Variants in GABRE observed in about 807,000 individuals in gnomAD.
GABRE encodes gamma-aminobutyric acid receptor subunit epsilon.
In GABRE, 20 loss-of-function variants were observed where a neutral mutation model predicts 31.0. The ratio of observed to expected loss-of-function variants is 0.64; its 90% CI spans 0.45 to 0.94. GABRE has a LOEUF of 0.94. Ranked by LOEUF, GABRE falls within the 40% of genes least tolerant of loss-of-function variation. The pLI, the probability that GABRE is intolerant of heterozygous loss-of-function variation, is 0.00. For synonymous variants in GABRE, 155 were observed against 150.6 expected, an observed-to-expected ratio of 1.03 and a Z score of -0.21; for missense variants, 420 against 410.7, an observed-to-expected ratio of 1.02 and a Z score of -0.20.
rs2124143520 is a variant in GABRE, at chrX:151,954,787, G to A, written c.1435C>T (p.Arg479Cys). The A allele has an allele frequency of 4.1e-6, 5 of 1,209,326 alleles. No homozygotes were observed. Among genetic ancestry groups the A allele is most frequent in the South Asian group, 3.5e-5 (2 of 56,789 alleles). The change falls in exon 9 of 9, where the codon CGC becomes TGC. Residue 479 changes from arginine (R) to cysteine (C), a missense_variant. Physicochemically the swap from Arg to Cys is radical, Grantham distance 180 (BLOSUM62 -3). Transcript: ENST00000370328. The part of the protein sequence containing the change: ...QQGRLCIHVY[R>C]LDNYSRVVFP... ...ACAACTCTCGAGTAGTTATCCAGGC[G>A]GTAGACATGGATGCAGAGGCGGCCC... is the stretch of plus-strand genomic sequence containing the variant.
chrX:151,957,329 GGAA>G (rs1490330118), intron 6 of GABRE: 3 of 249,232 alleles, frequency 1.2e-5, no homozygotes, highest in Non-Finnish European at 2.2e-5. Flanking sequence ...AGATTCTTCT[GGAA>G]GAAGGCAAGG....
intron 3 of GABRE, among the ~76,000 whole-genome samples, chrX:151,964,167 T>C (rs780796474): frequency 9.0e-6 from 1 of 111,505 alleles, no homozygotes; most frequent in Non-Finnish European, 1.9e-5. Flanking sequence ...AAGTCTTAAA[T>C]AAATGTTCTT....
intron 1 of GABRE, chrX:151,971,452 G>T (rs1488874834): frequency 5.1e-6 from 1 of 195,413 alleles, no homozygotes; most frequent in East Asian, 1.4e-4. Context: ...TTTGAACACT[G>T]AGTGGACAGT....
At chrX:151,957,278 C>T (rs1934202703) in intron 6 of GABRE, 1 of 234,153 alleles carries the variant, frequency 4.3e-6, no homozygotes, top group Non-Finnish European at 8.0e-6. Flanking sequence ...GCCTTTCGTA[C>T]TCACCTTGGC....
intron 1 of GABRE, chrX:151,972,782 G>T (rs1392116700): frequency 7.4e-6 from 3 of 404,037 alleles, no homozygotes; most frequent in Non-Finnish European, 6.2e-6. Flanking sequence ...TGGGGTTAAA[G>T]AGCTGCTGAC....
intron 1 of GABRE, among the ~76,000 whole-genome samples, chrX:151,970,797 G>C (rs1278137590): frequency 8.9e-6 from 1 of 112,570 alleles, no homozygotes; most frequent in Admixed American, 9.4e-5. Context: ...CAGAGGGCCA[G>C]GGCTGAGAGG....
At position 151,954,760 on chromosome X, in the gene GABRE, A is replaced by G. The variant is rs768196222; in HGVS notation, c.1462T>C (p.Phe488Leu). The G allele has an allele frequency of 4.1e-5, 50 of 1,209,232 alleles. No individual in the cohort carries two copies. The highest frequency in any genetic ancestry group is 5.6e-5 in the Non-Finnish European group (50 of 894,882). ...YRLDNYSRVVFPVTFFFFNVL... is the reference protein window; with the variant it reads ...YRLDNYSRVVLPVTFFFFNVL... Reference sequence around the variant, plus strand: ...TTGAAGAAGAAGAAAGTCACTGGGAAAACAACTCTCGAGTAGTTATCCAGG... The same window carrying G: ...TTGAAGAAGAAGAAAGTCACTGGGAGAACAACTCTCGAGTAGTTATCCAGG... Residue 488 changes from phenylalanine (F) to leucine (L), a missense_variant, in exon 9 of 9, where the codon TTC becomes CTC. Transcript: ENST00000370328.
chrX:151,970,160 G>T (rs1477276332), intron 2 of GABRE, 25 bp downstream of exon 2: 67 of 1,208,273 alleles, frequency 5.5e-5, no homozygotes, highest in Middle Eastern at 2.8e-4. Context: ...CTCTAGGAGG[G>T]GAAGAACGTC....
At chrX:151,966,154 C>T (rs1056282151) in intron 3 of GABRE, among the ~76,000 whole-genome samples, 5 of 112,413 alleles carry the variant, frequency 4.4e-5, no homozygotes, top group East Asian at 5.6e-4. Flanking sequence ...ACATATCAAC[C>T]GATAACTAAC....
Position 151,961,279 on chromosome X carries a change from T to A in GABRE, c.646+4A>T. 1 of 1,190,958 alleles carries A rather than the reference T, an allele frequency of 8.4e-7. No homozygotes were observed. The highest frequency in any genetic ancestry group is 1.1e-6 in the Non-Finnish European group (1 of 878,338). The stretch of plus-strand genomic sequence containing the variant: ...GGGCCCCAGAAACTTAAGAAGGTAC[T>A]CACAGCTAGAGAAAGATAGAGGGCA... On this transcript the variant is annotated splice_donor_region_variant and intron_variant, in intron 5 of 8. Coordinates refer to ENST00000370328, the MANE Select transcript of GABRE (RefSeq NM_004961.4).
chrX:151,956,112 C>T, intron 6 of GABRE: 1 of 356,686 alleles, frequency 2.8e-6, no homozygotes, highest in South Asian at 7.6e-5. Flanking sequence ...CACTGTCCTA[C>T]ACCCAATGTC....
At chrX:151,972,513 G>A in intron 1 of GABRE, 21 of 753,465 alleles carry the variant, frequency 2.8e-5, no homozygotes, top group Non-Finnish European at 3.3e-5. Context: ...CCACCTAAAC[G>A]CCTGAAGCAG....
At chrX:151,959,353 T>C (rs1934281912) in intron 6 of GABRE, 1 of 244,401 alleles carries the variant, frequency 4.1e-6, no homozygotes, top group South Asian at 4.1e-5. Flanking sequence ...CAGCAGCCAG[T>C]GTAGCTGCTG....
rs1934655071 is a variant in GABRE at position 151,970,327 on chromosome X, A to AGGCTGG, written c.126_131dup (p.Gln43_Pro44dup). On this transcript the variant is annotated inframe_insertion, in exon 2 of 9. Transcript: ENST00000370328. Reference sequence around the variant, plus strand: ...CCTCAGAGAGGAGCTGATTTTCCAGAGGCTGGGGCTGGGGGCCATAGACAA... The same window carrying AGGCTGG: ...CCTCAGAGAGGAGCTGATTTTCCAGAGGCTGGGGCTGGGGCTGGGGGCCATAGACAA... 8.3e-7 allele frequency: 1 copy of AGGCTGG among 1,211,730 alleles called. No individual in the cohort carries two copies. Among genetic ancestry groups the AGGCTGG allele is most frequent in the African/African-American group, 1.7e-5 (1 of 57,807 alleles).
intron 6 of GABRE, chrX:151,959,509 A>C: frequency 2.8e-6 from 1 of 355,963 alleles, no homozygotes. Context: ...CATTCCCCAA[A>C]GTCATCCAAA....
intron 6 of GABRE, chrX:151,959,177 T>A (rs1026735075): frequency 3.5e-6 from 1 of 288,419 alleles, no homozygotes. Flanking sequence ...GGTGCTCACA[T>A]CTAATTGGGA....
At chrX:151,972,498 C>G in intron 1 of GABRE, 1 of 753,764 alleles carries the variant, frequency 1.3e-6, no homozygotes, top group Non-Finnish European at 1.6e-6. Context: ...CACTGCCAGA[C>G]AGGACCACCT....
chrX:151,970,436 C>T (rs1934659234), intron 1 of GABRE, 34 bp from the exon 2 acceptor site: 5 of 1,190,078 alleles, frequency 4.2e-6, no homozygotes, highest in Non-Finnish European at 4.5e-6. Context: ...AAGCTCTGCC[C>T]TGCACTCTGT....
intron 1 of GABRE, chrX:151,971,647 G>A (rs966701719): frequency 2.5e-5 from 3 of 121,642 alleles, no homozygotes; most frequent in African/African-American, 6.5e-5. Flanking sequence ...GAAAATAAGA[G>A]TGGCCATGAG....
Sources: allele counts gnomAD v4.1 joint callset (sites outside exome capture counted in the v4.1 genomes callset), GRCh38; gene constraint gnomAD v4.1.1; transcripts MANE v1.5; gene names NCBI Gene and HGNC (gene_info 2026-07-23, HGNC 2026-07-21).